HEPHL1: variants seen among roughly 807,000 people sequenced by gnomAD.
The protein encoded by HEPHL1 is hephaestin like 1.
In HEPHL1, 123 loss-of-function variants were observed where a neutral mutation model predicts 122.0. That is an observed-to-expected ratio of 1.01 (90% CI 0.87 to 1.17). The LOEUF (loss-of-function observed/expected upper bound fraction) is 1.17, where lower values mean the gene tolerates loss of function less well. HEPHL1 is among the 50% of genes most tolerant of loss of function. HEPHL1 has a pLI of 0.00. For synonymous variants in HEPHL1, 527 were observed against 508.9 expected, an observed-to-expected ratio of 1.04 and a Z score of -0.48; for missense variants, 1,452 against 1,430.5, an observed-to-expected ratio of 1.01 and a Z score of -0.24.
chr11:94,038,244 T>C (rs1383631522), intron 1 of HEPHL1, among the ~76,000 whole-genome samples: 3 of 150,822 alleles, frequency 2.0e-5, no homozygotes, highest in African/African-American at 7.3e-5. Flanking sequence ...TTACGTCCGA[T>C]TGGTGTACCT....
chr11:94,048,737 A>T (rs1221252596), intron 2 of HEPHL1, among the ~76,000 whole-genome samples: 1 of 149,226 alleles, frequency 6.7e-6, no homozygotes, highest in East Asian at 2.0e-4. Context: ...TTAAATTAAG[A>T]ACATTTCAAA....
intron 12 of HEPHL1, among the ~76,000 whole-genome samples, chr11:94,089,998 C>T (rs1004754939): frequency 3.9e-5 from 6 of 152,092 alleles, no homozygotes; most frequent in Non-Finnish European, 8.8e-5. Context: ...ACAAACACGA[C>T]ATGCTACTGT....
At chr11:94,060,295 T>C (rs1202165477) in intron 2 of HEPHL1, among the ~76,000 whole-genome samples, 2 of 151,586 alleles carry the variant, frequency 1.3e-5, no homozygotes, top group Non-Finnish European at 2.9e-5. Flanking sequence ...GATATATATA[T>C]GTGTGTGTAT....
At chr11:94,052,918 G>A (rs1442587324) in intron 2 of HEPHL1, among the ~76,000 whole-genome samples, 3 of 152,060 alleles carry the variant, frequency 2.0e-5, no homozygotes, top group Admixed American at 1.3e-4. Flanking sequence ...AGTCATGAAG[G>A]ATATTGGTCT....
intron 2 of HEPHL1, among the ~76,000 whole-genome samples, chr11:94,049,316 AC>A: frequency 3.5e-4 from 1 of 2,846 alleles, no homozygotes; most frequent in African/African-American, 1.4e-3. Flanking sequence ...GACAAAAAGT[AC>A]CCCCTCCAAA....
chr11:94,111,533 G>A lies in HEPHL1; in HGVS notation c.3209-4G>A. ...AAAACAATGAACTTGTTTTCTTTGT[G>A]CAGACAACAGGATTCCTTACTCCAC... On this transcript the variant is annotated splice_region_variant and splice_polypyrimidine_tract_variant and intron_variant, in intron 18 of 19. Coordinates refer to ENST00000315765, the MANE Select transcript of HEPHL1 (RefSeq NM_001098672.2). The A allele has an allele frequency of 6.3e-7, 1 of 1,593,670 alleles. No individual in the cohort carries two copies. The highest frequency in any genetic ancestry group is 1.7e-5 in the Admixed American group (1 of 57,304).
rs140783945 is a variant in HEPHL1 at position 94,059,009 on chromosome 11, G to A, written c.416-4499G>A. 4.6e-3 allele frequency among the ~76,000 whole-genome samples: 698 copies of A among 152,212 alleles called. 8 individuals carry two copies. The highest frequency in any genetic ancestry group is 0.016 in the African/African-American group (661 of 41,540). On this transcript the variant is annotated intron_variant, in intron 2 of 19. Transcript: ENST00000315765. ...GGTTAGAAGTTCTTAAGAGTAAAGA[G>A]GTATAAGAAGAAAAGTTAAAGCCCT...
chr11:94,033,655 C>T (rs1308468023), intron 1 of HEPHL1, among the ~76,000 whole-genome samples: 1 of 152,134 alleles, frequency 6.6e-6, no homozygotes, highest in Non-Finnish European at 1.5e-5. Flanking sequence ...ATATGGTAAC[C>T]TATGCTTTTC....
intron 6 of HEPHL1, among the ~76,000 whole-genome samples, chr11:94,071,922 A>G (rs953609198): frequency 4.6e-5 from 7 of 152,142 alleles, no homozygotes; most frequent in African/African-American, 1.7e-4. Context: ...CTGCAGTAAC[A>G]ATTTGCATAG....
In HEPHL1 at chr11:94,086,195, C is replaced by T; in HGVS notation, c.2080+6C>T. ...CATGCAGCCAGACCATGCAGGTAAA[C>T]TTGCTGGGTCCATCTCAGGTGACCA... On this transcript the variant is annotated splice_donor_region_variant and intron_variant, in intron 11 of 19. Transcript: ENST00000315765. The T allele has an allele frequency of 1.2e-6, 2 of 1,601,498 alleles. No individual in the cohort carries two copies. Among genetic ancestry groups the T allele is most frequent in the Non-Finnish European group, 1.7e-6 (2 of 1,173,708 alleles).
intron 13 of HEPHL1, among the ~76,000 whole-genome samples, 176 bp from the exon 14 acceptor site, chr11:94,101,019 A>G (rs577610108): frequency 6.6e-6 from 1 of 152,358 alleles, no homozygotes; most frequent in South Asian, 2.1e-4. Context: ...TAAAGACTAC[A>G]TGATATTTAA....
At chr11:94,106,984 A>G (rs1366852839) in intron 17 of HEPHL1, among the ~76,000 whole-genome samples, 4 of 152,184 alleles carry the variant, frequency 2.6e-5, no homozygotes, top group Non-Finnish European at 5.9e-5. Flanking sequence ...CTCACTGTAC[A>G]GCAGAGCCAT....
intron 14 of HEPHL1, among the ~76,000 whole-genome samples, chr11:94,101,760 T>C (rs918600043): frequency 3.9e-5 from 6 of 152,204 alleles, no homozygotes; most frequent in Non-Finnish European, 8.8e-5. Context: ...CTGGTGTTTA[T>C]TTTTTCCTCT....
chr11:94,047,097 C>T (rs1945846461), intron 2 of HEPHL1, among the ~76,000 whole-genome samples: 2 of 152,204 alleles, frequency 1.3e-5, no homozygotes, highest in African/African-American at 4.8e-5. Context: ...TTTTCCTCCA[C>T]CTGGAGTGCA....
At chr11:94,095,454 C>T (rs1946303512) in intron 13 of HEPHL1, among the ~76,000 whole-genome samples, 1 of 152,132 alleles carries the variant, frequency 6.6e-6, no homozygotes, top group African/African-American at 2.4e-5. Context: ...GTTCTTTTGG[C>T]TTAGGATTGA....
intron 2 of HEPHL1, among the ~76,000 whole-genome samples, chr11:94,053,122 T>C (rs1182196669): frequency 6.6e-6 from 1 of 152,108 alleles, no homozygotes; most frequent in Non-Finnish European, 1.5e-5. Flanking sequence ...GGAGGATCTT[T>C]AGTTACTAAT....
rs1475998721 is a variant in HEPHL1, at chr11:94,111,830, C to T, written c.3416C>T (p.Ser1139Phe). The change falls in exon 20 of 20, where the codon TCT becomes TTT. Residue 1139 changes from serine (S) to phenylalanine (F), a missense_variant. Ser to Phe is a radical substitution (Grantham distance 155). Transcript: ENST00000315765. Reference sequence around the variant, plus strand: ...GTGATTCTCTCCCTCAGACTCTGCTCTGCAATGAAGCAGACAGATTACCAG... The same window carrying T: ...GTGATTCTCTCCCTCAGACTCTGCTTTGCAATGAAGCAGACAGATTACCAG... ...TTVILSLRLC[S>F]AMKQTDYQQV... 6.5e-7 allele frequency: 1 copy of T among 1,547,100 alleles called. No individual in the cohort carries two copies.
At chr11:94,036,617 T>G (rs1458251661) in intron 1 of HEPHL1, among the ~76,000 whole-genome samples, 1 of 151,928 alleles carries the variant, frequency 6.6e-6, no homozygotes, top group Non-Finnish European at 1.5e-5. Flanking sequence ...CTGCATGAAT[T>G]GGAGGTCAGG....
At chr11:94,042,667 T>C (rs1168017631) in intron 1 of HEPHL1, among the ~76,000 whole-genome samples, 2 of 141,452 alleles carry the variant, frequency 1.4e-5, no homozygotes, top group African/African-American at 2.7e-5. Context: ...TAGGTGGGAA[T>C]TGAACAATGA....
Sources: allele counts gnomAD v4.1 joint callset (sites outside exome capture counted in the v4.1 genomes callset), GRCh38; gene constraint gnomAD v4.1.1; transcripts MANE v1.5; gene names NCBI Gene and HGNC (gene_info 2026-07-23, HGNC 2026-07-21).